Variants in TTBK2 observed in about 807,000 individuals in gnomAD.
TTBK2 encodes tau tubulin kinase 2.
A neutral mutation model predicts 110.8 loss-of-function variants in TTBK2; 28 were observed. The ratio of observed to expected loss-of-function variants is 0.25; its 90% CI spans 0.19 to 0.35. The LOEUF is 0.35. Among genes scored for constraint, TTBK2 ranks in the 10% least tolerant of loss-of-function variants. The probability of loss-of-function intolerance (pLI) is 1.00; values close to 1 mark genes in which losing one functional copy is unlikely to be tolerated. For missense variants in TTBK2, 1,369 were observed against 1,500.3 expected, an observed-to-expected ratio of 0.91 and a Z score of 1.45; for synonymous variants, 532 against 527.3, an observed-to-expected ratio of 1.01 and a Z score of -0.12.
chr15:42,763,111 TATATATACAC>T (rs1567008477), intron 13 of TTBK2, among the ~76,000 whole-genome samples: 53 of 115,924 alleles, frequency 4.6e-4, no homozygotes, highest in African/African-American at 8.6e-4. Flanking sequence ...TACGTATATA[TATATATACAC>T]ATATATATAC....
At chr15:42,844,035 G>A (rs115506228) in intron 3 of TTBK2, among the ~76,000 whole-genome samples, 2,923 of 152,072 alleles carry the variant, frequency 0.019, 99 homozygotes, top group African/African-American at 0.068. Flanking sequence ...TTCTCAGGGA[G>A]GCAGATTTGA....
chr15:42,912,934 G>A (rs1406513447), intron 1 of TTBK2, among the ~76,000 whole-genome samples: 3 of 147,256 alleles, frequency 2.0e-5, no homozygotes, highest in East Asian at 2.1e-4. Flanking sequence ...GACCATCCTG[G>A]CTAACAAGGT....
At chr15:42,781,263 T>G (rs1486378783) in intron 11 of TTBK2, among the ~76,000 whole-genome samples, 1 of 152,042 alleles carries the variant, frequency 6.6e-6, no homozygotes, top group Non-Finnish European at 1.5e-5. Flanking sequence ...TTTAATCACC[T>G]GGCAGATGTA....
chr15:42,799,018 C>A (rs1186864977), intron 9 of TTBK2, among the ~76,000 whole-genome samples: 2 of 152,100 alleles, frequency 1.3e-5, no homozygotes, highest in African/African-American at 2.4e-5. Context: ...TGGGGCATTT[C>A]GGATTTTCGA....
chr15:42,780,599 C>G (rs1212201638), intron 11 of TTBK2, among the ~76,000 whole-genome samples: 4 of 151,832 alleles, frequency 2.6e-5, no homozygotes, highest in Non-Finnish European at 5.9e-5. Flanking sequence ...CCAACAAAAT[C>G]TGTAATGAAA....
rs1259293571 is a variant in TTBK2 at position 42,752,227 on chromosome 15, G to C, written c.3019C>G (p.Leu1007Val). ...SASDKLLEEK[L>V]ATVPAPFCEE... ...CAAAAGGGAGCAGGAACAGTAGCTA[G>C]TTTCTCCTCTAGCAATTTATCAGAG... The change falls in exon 14 of 15, where the codon CTA becomes GTA. Residue 1007 changes from leucine (L) to valine (V), a missense_variant. By Grantham distance (32) the Leu-to-Val change is conservative. Around this residue, in one of 4 missense-constraint regions of TTBK2, gnomAD observed 1,097 missense variants for 1,114.7 expected, o/e 0.98. Coordinates refer to ENST00000267890, the MANE Select transcript of TTBK2 (RefSeq NM_173500.4). 6.2e-7 allele frequency: 1 copy of C among 1,614,092 alleles called. No individual in the cohort carries two copies.
intron 2 of TTBK2, among the ~76,000 whole-genome samples, chr15:42,876,682 T>C (rs1894829206): frequency 6.6e-6 from 1 of 152,170 alleles, no homozygotes; most frequent in Admixed American, 6.5e-5. Flanking sequence ...TGAAACCTAC[T>C]AATGGAAAAA....
intron 3 of TTBK2, among the ~76,000 whole-genome samples, chr15:42,866,741 C>T (rs1189655624): frequency 3.9e-5 from 6 of 152,160 alleles, no homozygotes; most frequent in African/African-American, 9.6e-5. Flanking sequence ...TGGAATTAAA[C>T]TAGAGATCAT....
intron 13 of TTBK2, among the ~76,000 whole-genome samples, chr15:42,774,121 T>A (rs761771346): frequency 1.3e-5 from 2 of 152,234 alleles, no homozygotes; most frequent in Non-Finnish European, 2.9e-5. Context: ...GTACACAAAA[T>A]GTATTTTCAC....
intron 1 of TTBK2, among the ~76,000 whole-genome samples, chr15:42,914,409 C>T (rs1374352230): frequency 6.6e-6 from 1 of 152,188 alleles, no homozygotes; most frequent in Non-Finnish European, 1.5e-5. Flanking sequence ...TACAGAGACA[C>T]TATAGCCATC....
At chr15:42,828,874 A>C in intron 5 of TTBK2, among the ~76,000 whole-genome samples, 1 of 152,212 alleles carries the variant, frequency 6.6e-6, no homozygotes, top group Non-Finnish European at 1.5e-5. Context: ...TGTGATATTA[A>C]ATGACCACAA....
rs115612974 is a variant in TTBK2 at position 42,851,467 on chromosome 15, T to C, written c.218-11034A>G. ...TGGGGAGTGACATAACTGTTTAGTATGTTAGAAGGATCACTCTTGCAGCAA... is the reference window on the plus strand; with the variant it reads ...TGGGGAGTGACATAACTGTTTAGTACGTTAGAAGGATCACTCTTGCAGCAA... On this transcript the variant is annotated intron_variant, in intron 3 of 14. Transcript: ENST00000267890. Among the ~76,000 whole-genome samples, 722 of 152,162 alleles carry C rather than the reference T, an allele frequency of 4.7e-3. 7 individuals are homozygous for C. Among genetic ancestry groups the C allele is most frequent in the African/African-American group, 0.017 (696 of 41,498 alleles).
At chr15:42,746,332 A>G in intron 14 of TTBK2, 75 bp from the exon 15 acceptor site, 1 of 1,146,720 alleles carries the variant, frequency 8.7e-7, no homozygotes, top group South Asian at 1.4e-5. Context: ...ATGTCCCAAA[A>G]TCATAATGTG....
At chr15:42,911,601 C>T (rs1158396708) in intron 1 of TTBK2, among the ~76,000 whole-genome samples, 1 of 152,170 alleles carries the variant, frequency 6.6e-6, no homozygotes, top group Non-Finnish European at 1.5e-5. Flanking sequence ...GGAGCCCAGA[C>T]TCATGAGAAG....
intron 13 of TTBK2, among the ~76,000 whole-genome samples, chr15:42,761,291 G>A (rs1258450617): frequency 6.6e-6 from 1 of 152,116 alleles, no homozygotes. Flanking sequence ...TTATGAATAA[G>A]ACCTCAAAAG....
chr15:42,759,852 A>C (rs2061999287), intron 13 of TTBK2, among the ~76,000 whole-genome samples: 1 of 152,180 alleles, frequency 6.6e-6, no homozygotes. Flanking sequence ...TCAAACATGA[A>C]AAAGCAAGGA....
At chr15:42,910,301 A>G (rs887676644) in intron 1 of TTBK2, among the ~76,000 whole-genome samples, 1 of 151,906 alleles carries the variant, frequency 6.6e-6, no homozygotes, top group Non-Finnish European at 1.5e-5. Context: ...CTGTGAGTTG[A>G]GCATGAAGCA....
chr15:42,897,545 A>AT (rs1311471643), intron 1 of TTBK2, among the ~76,000 whole-genome samples: 1 of 152,134 alleles, frequency 6.6e-6, no homozygotes, highest in Non-Finnish European at 1.5e-5. Context: ...AGCCTGACAC[A>AT]TTAAGTTGAG....
chr15:42,806,032 G>A (rs936057007), intron 9 of TTBK2, among the ~76,000 whole-genome samples: 1 of 152,216 alleles, frequency 6.6e-6, no homozygotes, highest in South Asian at 2.1e-4. Context: ...GGGAGGCCAA[G>A]GTGGGTGGAT....
Sources: allele counts gnomAD v4.1 joint callset (sites outside exome capture counted in the v4.1 genomes callset), GRCh38; gene constraint gnomAD v4.1.1; regional missense constraint gnomAD v4.1.1; transcripts MANE v1.5; gene names NCBI Gene and HGNC (gene_info 2026-07-23, HGNC 2026-07-21).